The following ZNF331 variants were observed in gnomAD, a reference collection of about 807,000 sequenced individuals.
ZNF331 encodes the protein C2H2-like zinc finger protein rearranged in thyroid adenomas.
Under a neutral mutation model 7.0 loss-of-function variants are expected in ZNF331, and 2 were observed. The observed-to-expected ratio is 0.29, with a 90% CI of 0.12 to 0.90. The LOEUF is 0.90. Ranked by LOEUF, ZNF331 falls within the 40% of genes least tolerant of loss-of-function variation. ZNF331 has a pLI of 0.58. For synonymous variants in ZNF331, 196 were observed against 205.4 expected, an observed-to-expected ratio of 0.95 and a Z score of 0.39; for missense variants, 432 against 587.7, an observed-to-expected ratio of 0.74 and a Z score of 2.74.
chr19:53,517,615 G>A (rs776371920), upstream of ZNF331, among the ~76,000 whole-genome samples: 1 of 152,108 alleles, frequency 6.6e-6, no homozygotes, highest in Non-Finnish European at 1.5e-5. Flanking sequence ...CCCCACGCAG[G>A]TTCAAGTCTG....
intron 3 of ZNF331, 32 bp from the exon 4 acceptor site, chr19:53,569,272 C>T: frequency 7.4e-7 from 1 of 1,342,290 alleles, no homozygotes; most frequent in African/African-American, 1.5e-5. Flanking sequence ...CCCAGATGCA[C>T]CTCGTTTTAA....
the ZNF331 span, among the ~76,000 whole-genome samples, chr19:53,505,740 G>A: frequency 0.67 from 101,448 of 151,836 alleles, 34,012 homozygotes; most frequent in Admixed American, 0.71. Flanking sequence ...TAATCCCAGC[G>A]CTTTGGAAGG....
chr19:53,513,341 T>C, the ZNF331 span, among the ~76,000 whole-genome samples: 6 of 152,046 alleles, frequency 3.9e-5, no homozygotes, highest in Non-Finnish European at 8.8e-5. Context: ...GTAGGATTGC[T>C]GGATTGTTTG....
chr19:53,537,460 CAA>C (rs1306128615), upstream of ZNF331: 3 of 152,378 alleles, frequency 2.0e-5, no homozygotes, highest in Non-Finnish European at 4.4e-5. Context: ...TCACCCCACT[CAA>C]GAGGCCAGAC....
chr19:53,576,891 C>T lies in ZNF331; in HGVS notation c.331C>T (p.Pro111Ser), dbSNP rs1352801219. 3 of 1,614,088 alleles carry T rather than the reference C, an allele frequency of 1.9e-6. No homozygotes were observed. Among genetic ancestry groups the T allele is most frequent in the Non-Finnish European group, 2.5e-6 (3 of 1,180,006 alleles). The change falls in exon 6 of 6, where the codon CCT becomes TCT. Residue 111 changes from proline (P) to serine (S), a missense_variant. Pro to Ser is a moderately conservative substitution (Grantham distance 74). Coordinates refer to ENST00000449416, the MANE Select transcript of ZNF331 (RefSeq NM_001079906.2). The stretch of plus-strand genomic sequence containing the variant: ...GATGATCATCAATTATGTCAAAAGA[C>T]CTGCTACTAGAGAAGGCACCCCTCC... The part of the protein sequence containing the change: ...NQMIINYVKR[P>S]ATREGTPPRT...
chr19:53,574,069 T>C (rs1470281507), intron 5 of ZNF331, among the ~76,000 whole-genome samples: 1 of 152,082 alleles, frequency 6.6e-6, no homozygotes, highest in East Asian at 1.9e-4. Context: ...TGAGTCAAGA[T>C]CATGCCACTG....
the ZNF331 span, among the ~76,000 whole-genome samples, chr19:53,510,677 G>A: frequency 1.5e-3 from 233 of 152,086 alleles, no homozygotes; most frequent in Non-Finnish European, 2.4e-3. Context: ...TCACCTATGA[G>A]ATTCTTGCAA....
chr19:53,539,302 T>A lies in ZNF331; in HGVS notation c.-138+20T>A, dbSNP rs368095069. ...GGTCAGGTGAGTATCCTTTTTTTTTTATATTAAATGATATGTGTTTATAAG... is the reference window on the plus strand; with the variant it reads ...GGTCAGGTGAGTATCCTTTTTTTTTAATATTAAATGATATGTGTTTATAAG... On this transcript the variant is annotated intron_variant, in intron 2 of 5. Transcript: ENST00000449416. The surrounding 1 kb of genome is among the most constrained non-coding windows in gnomAD (Gnocchi z 6.1). 2.1e-4 allele frequency: 31 copies of A among 150,200 alleles called. No homozygotes were observed. Among genetic ancestry groups the A allele is most frequent in the African/African-American group, 5.9e-4 (24 of 40,594 alleles). The allele number at this position is 150,200 out of a possible 1,614,324, so 9.3% of individuals were successfully genotyped here. A position where few individuals can be genotyped will look rare whatever the true frequency, so the allele number is the denominator to read the frequency against.
Position 53,556,615 on chromosome 19 carries a change from A to T in ZNF331, c.-74+707A>T, listed in dbSNP as rs74357352. ...GCTTGGATTACAGATGTGAGCCACC[A>T]TGTTGGGCCTTTTTTATTGTTTTTG... On this transcript the variant is annotated intron_variant, in intron 3 of 5. Transcript: ENST00000449416. Among the ~76,000 whole-genome samples, 473 of 151,318 alleles carry T rather than the reference A, an allele frequency of 3.1e-3. 3 individuals are homozygous for T. The highest frequency in any genetic ancestry group is 4.4e-3 in the Non-Finnish European group (297 of 67,838).
At chr19:53,541,105 C>A (rs1372321891) in intron 2 of ZNF331, among the ~76,000 whole-genome samples, 2 of 94,074 alleles carry the variant, frequency 2.1e-5, no homozygotes, top group African/African-American at 4.1e-5. Context: ...AATCATATTT[C>A]TTTTCTTTTT....
At chr19:53,544,763 T>A (rs2147359936) in intron 2 of ZNF331, among the ~76,000 whole-genome samples, 1 of 152,070 alleles carries the variant, frequency 6.6e-6, no homozygotes, top group East Asian at 1.9e-4. Flanking sequence ...AGACGGAGTC[T>A]TTCTCTGTCA....
chr19:53,529,985 A>C (rs1460752839), intron 2 of ZNF331, among the ~76,000 whole-genome samples: 2 of 152,174 alleles, frequency 1.3e-5, no homozygotes, highest in Non-Finnish European at 2.9e-5. Context: ...TGGGTCATTT[A>C]TAAAGATTAT....
intron 2 of ZNF331, among the ~76,000 whole-genome samples, chr19:53,525,858 G>A (rs139553442): frequency 2.0e-4 from 31 of 152,226 alleles, no homozygotes; most frequent in African/African-American, 6.7e-4. Context: ...GGGAATCCTC[G>A]TCTTGTTCCT....
chr19:53,529,557 T>G (rs2087450024), intron 2 of ZNF331, among the ~76,000 whole-genome samples: 1 of 152,220 alleles, frequency 6.6e-6, no homozygotes, highest in South Asian at 2.1e-4. Context: ...GTATTGTTTC[T>G]TACAACTGCA....
intron 2 of ZNF331, among the ~76,000 whole-genome samples, chr19:53,551,809 C>T (rs923116897): frequency 2.0e-5 from 3 of 151,992 alleles, no homozygotes; most frequent in Non-Finnish European, 4.4e-5. Context: ...CTAAAATGTA[C>T]AGGAGGATGT....
At position 53,539,445 on chromosome 19, in the gene ZNF331, A is replaced by G. The variant is rs867279493; in HGVS notation, c.-138+163A>G. On this transcript the variant is annotated intron_variant, in intron 2 of 5. Transcript: ENST00000449416. The surrounding 1 kb of genome is among the most constrained non-coding windows in gnomAD (Gnocchi z 6.1). ...GAGGGTGAAATGCATTAACACGCAT[A>G]AAACCCATAGACGCGCACCCCTGAG... is the stretch of plus-strand genomic sequence containing the variant. 9.2e-5 allele frequency: 14 copies of G among 152,224 alleles called. No homozygotes were observed. Among genetic ancestry groups the G allele is most frequent in the African/African-American group, 2.9e-4 (12 of 41,454 alleles). 9.4% of individuals were successfully genotyped at this position (152,224 alleles called of 1,614,324 possible). A position where few individuals can be genotyped will look rare whatever the true frequency, so the allele number is the denominator to read the frequency against.
Position 53,571,849 on chromosome 19 carries a change from G to T in ZNF331, c.136+119G>T. On this transcript the variant is annotated intron_variant, in intron 5 of 5. Transcript: ENST00000449416. This position sits in a 1 kb window ranked among gnomAD's most constrained non-coding sequence, Gnocchi z 4.7. ...TTTCTTCTTCCTGTCCCCAAGGAAT[G>T]TATTGAGCCTTATTGATGTGGCCGT... 1 of 1,350,516 alleles carries T rather than the reference G, an allele frequency of 7.4e-7. No individual in the cohort carries two copies. The highest frequency in any genetic ancestry group is 1.0e-6 in the Non-Finnish European group (1 of 1,000,578). The allele number at this position is 1,350,516 out of a possible 1,614,324, so 83.7% of individuals were successfully genotyped here.
At chr19:53,553,932 G>A (rs2089184068) in intron 2 of ZNF331, among the ~76,000 whole-genome samples, 1 of 152,228 alleles carries the variant, frequency 6.6e-6, no homozygotes, top group Admixed American at 6.5e-5. Flanking sequence ...GATGGACTCA[G>A]TGTGGGGCTG....
chr19:53,503,364 T>C, the ZNF331 span: 1 of 435,004 alleles, frequency 2.3e-6, no homozygotes, highest in Non-Finnish European at 4.3e-6. Context: ...TCTCTGAAGA[T>C]AAGTAGCAGC....
Sources: allele counts gnomAD v4.1 joint callset (sites outside exome capture counted in the v4.1 genomes callset), GRCh38; gene constraint gnomAD v4.1.1; non-coding constraint Gnocchi (gnomAD v3.1); transcripts MANE v1.5; gene names NCBI Gene and HGNC (gene_info 2026-07-23, HGNC 2026-07-21).